The following CES5A variants were observed in gnomAD, a reference collection of about 807,000 sequenced individuals.
The protein encoded by CES5A is carboxylesterase 5A, also known as carboxylesterase 5.
Under a neutral mutation model 62.9 loss-of-function variants are expected in CES5A, and 67 were observed. The observed-to-expected ratio is 1.07, with a 90% CI of 0.88 to 1.31. The LOEUF (loss-of-function observed/expected upper bound fraction) is 1.31. Ranked by LOEUF, CES5A falls within the 50% of genes most tolerant of loss-of-function variation. The pLI, the probability that CES5A is intolerant of heterozygous loss-of-function variation, is 0.00. For synonymous variants in CES5A, 296 were observed against 280.8 expected (o/e 1.05, Z -0.54); for missense variants, 748 against 708.5 (o/e 1.06, Z -0.63).
chr16:55,880,894 A>C (rs1439979426), intron 1 of CES5A, among the ~76,000 whole-genome samples: 1 of 152,204 alleles, frequency 6.6e-6, no homozygotes, highest in Non-Finnish European at 1.5e-5. Context: ...TCCTGGAACC[A>C]TAGTTTGACT....
intron 1 of CES5A, among the ~76,000 whole-genome samples, chr16:55,901,627 G>C (rs1420859467): frequency 6.6e-6 from 1 of 152,228 alleles, no homozygotes; most frequent in South Asian, 2.1e-4. Flanking sequence ...ATTTATCGAG[G>C]GCGGCATTTA....
chr16:55,854,531 C>CTTTTTTTTTTCTTTTTTTTTTTT lies in CES5A; in HGVS notation c.1126-1504_1126-1503insAAAAAAAAAAAAGAAAAAAAAAA, dbSNP rs1555479324. On this transcript the variant is annotated intron_variant, in intron 9 of 12. Transcript: ENST00000290567. ...TGAGGGATATCTGCCTGTAGTGTTT[C>CTTTTTTTTTTCTTTTTTTTTTTT]TTTTTTTTTTTTCTTTTTTTTTTTT... is the stretch of plus-strand genomic sequence containing the variant. Among the ~76,000 whole-genome samples, 56 of 52,136 alleles carry CTTTTTTTTTTCTTTTTTTTTTTT rather than the reference C, an allele frequency of 1.1e-3. 1 individual carries two copies. The highest frequency in any genetic ancestry group is 5.6e-3 in the East Asian group (9 of 1,608). 34.2% of individuals were successfully genotyped at this position (52,136 alleles called of 152,430 possible).
upstream of CES5A, among the ~76,000 whole-genome samples, chr16:55,929,121 C>T (rs969292681): frequency 1.3e-5 from 2 of 152,180 alleles, no homozygotes; most frequent in Admixed American, 1.3e-4. Flanking sequence ...CAAGCTGGAA[C>T]CAGGGCTCAC....
chr16:55,851,676 A>G (rs1385790279), intron 10 of CES5A, among the ~76,000 whole-genome samples: 8 of 152,226 alleles, frequency 5.3e-5, no homozygotes, highest in Non-Finnish European at 2.9e-5. Flanking sequence ...GAAAACAGGG[A>G]CTTGAACAGA....
In CES5A at chr16:55,852,775, G is replaced by A. The variant is rs554735126; in HGVS notation, c.1273+106C>T. ...GCACACCTGGAAATGCACTTTCCATGATAGAACAGAGGCAGAGAAGGCAGC... is the reference window on the plus strand; with the variant it reads ...GCACACCTGGAAATGCACTTTCCATAATAGAACAGAGGCAGAGAAGGCAGC... On this transcript the variant is annotated intron_variant, in intron 10 of 12. Coordinates refer to ENST00000290567, the MANE Select transcript of CES5A (RefSeq NM_001143685.2). 2.0e-3 allele frequency: 2,609 copies of A among 1,303,520 alleles called. 40 individuals carry two copies. In the South Asian group the frequency reaches 0.025, roughly 12 times the overall value. The allele number at this position is 1,303,520 out of a possible 1,614,324, so 80.7% of individuals were successfully genotyped here. A position where few individuals can be genotyped will look rare whatever the true frequency, so the allele number is the denominator to read the frequency against.
chr16:55,913,071 C>T (rs1050678219), intron 1 of CES5A, among the ~76,000 whole-genome samples: 70 of 152,184 alleles, frequency 4.6e-4, no homozygotes, highest in African/African-American at 1.1e-3. Context: ...TGCGGGAGAC[C>T]GGAATTTTAT....
chr16:55,893,826 C>T (rs1458022635), intron 1 of CES5A, among the ~76,000 whole-genome samples: 1 of 151,960 alleles, frequency 6.6e-6, no homozygotes, highest in Non-Finnish European at 1.5e-5. Flanking sequence ...GAGGTATTGG[C>T]TGAAAAACTG....
At chr16:55,928,945 G>A (rs936399450), upstream of CES5A, among the ~76,000 whole-genome samples, 9 of 152,114 alleles carry the variant, frequency 5.9e-5, no homozygotes, top group East Asian at 1.9e-4. Flanking sequence ...TCTAGCATGC[G>A]TCCAAGGCCC....
intron 1 of CES5A, 94 bp downstream of exon 1, chr16:55,875,055 C>T: frequency 4.7e-6 from 6 of 1,283,700 alleles, no homozygotes; most frequent in Non-Finnish European, 6.8e-6. Flanking sequence ...CACTGGCCCT[C>T]AGAGACCTCT....
rs756171126 is a variant in CES5A at position 55,853,011 on chromosome 16, A to G, written c.1143T>C (p.Tyr381=). The change falls in exon 10 of 13, where the codon TAT becomes TAC. Residue 381 remains tyrosine, a synonymous_variant. Coordinates refer to ENST00000290567, the MANE Select transcript of CES5A (RefSeq NM_001143685.2). ...IQNILHIPPQ[Y]LHLVANEYFH... is the part of the protein sequence containing the mutation. ...AGTATTCATTAGCCACAAGGTGCAAATACTGAGGCGGGATGTGCTGTAAAA... is the reference window on the plus strand; with the variant it reads ...AGTATTCATTAGCCACAAGGTGCAAGTACTGAGGCGGGATGTGCTGTAAAA... 1.1e-5 allele frequency: 17 copies of G among 1,614,044 alleles called. No individual in the cohort carries two copies. In the Admixed American group the frequency reaches 2.7e-4, roughly 25 times the overall value.
chr16:55,895,121 T>G (rs2033918630), intron 1 of CES5A, among the ~76,000 whole-genome samples: 1 of 152,192 alleles, frequency 6.6e-6, no homozygotes, highest in Non-Finnish European at 1.5e-5. Context: ...AAGGCAGAGA[T>G]GTAAATTGTC....
intron 1 of CES5A, among the ~76,000 whole-genome samples, chr16:55,922,242 A>C (rs1471579805): frequency 6.6e-6 from 1 of 151,978 alleles, no homozygotes; most frequent in East Asian, 1.9e-4. Flanking sequence ...CCCAATTAAA[A>C]GACATAGTAC....
Position 55,869,825 on chromosome 16 carries a change from A to G in CES5A, c.418-81T>C. 4 of 1,494,534 alleles carry G rather than the reference A, an allele frequency of 2.7e-6. No homozygotes were observed. The South Asian group carries it at 5.3e-5, about 20-fold the overall frequency. 92.6% of individuals were successfully genotyped at this position (1,494,534 alleles called of 1,614,324 possible). A position where few individuals can be genotyped will look rare whatever the true frequency, so the allele number is the denominator to read the frequency against. On this transcript the variant is annotated intron_variant, in intron 3 of 12. Transcript: ENST00000290567. The stretch of plus-strand genomic sequence containing the variant: ...ATGCAGTTTGAGGCACACGTTCTTA[A>G]GGTGAAATATAAATGTCCCACTTGC...
At chr16:55,850,537 G>T (rs1429415124) in intron 10 of CES5A, among the ~76,000 whole-genome samples, 5 of 152,164 alleles carry the variant, frequency 3.3e-5, no homozygotes, top group Non-Finnish European at 5.9e-5. Context: ...GCTCATCTGT[G>T]TTGTAGCATC....
chr16:55,944,316 A>G (rs1490435456), intron 2 of CES5A: 1 of 576,436 alleles, frequency 1.7e-6, no homozygotes, highest in Admixed American at 3.0e-5. Context: ...GATCTAATGA[A>G]GTAAAAGGTA....
At chr16:55,874,624 A>G (rs1253134443) in intron 1 of CES5A, among the ~76,000 whole-genome samples, 2 of 152,214 alleles carry the variant, frequency 1.3e-5, no homozygotes, top group East Asian at 3.9e-4. Flanking sequence ...ATGGGTGAAA[A>G]TTTAAAATTC....
rs763354192 is a variant in CES5A at position 55,873,951 on chromosome 16, C to G, written c.160G>C (p.Val54Leu). 3.1e-6 allele frequency: 5 copies of G among 1,613,668 alleles called. 1 individual carries two copies. The Admixed American group carries it at 8.3e-5, about 27-fold the overall frequency. Residue 54 changes from valine to leucine, a missense_variant, in exon 2 of 13, where the codon GTG (valine) becomes CTG (leucine). Coordinates refer to ENST00000290567, the MANE Select transcript of CES5A (RefSeq NM_001143685.2). ...AAGGGGACTCCGAGGAACACGTTCACAGGCACAGGGCTTCCCAGCACAGTG... is the reference window on the plus strand; with the variant it reads ...AAGGGGACTCCGAGGAACACGTTCAGAGGCACAGGGCTTCCCAGCACAGTG... ...QVTVLGSPVP[V>L]NVFLGVPFAA... is the part of the protein sequence containing the mutation.
intron 1 of CES5A, 129 bp from the exon 2 acceptor site, chr16:55,874,166 G>T: frequency 1.3e-6 from 1 of 796,070 alleles, no homozygotes; most frequent in Non-Finnish European, 2.0e-6. Flanking sequence ...TGGTATCCAG[G>T]TTCCCTCTCC....
chr16:55,928,426 G>A (rs2034279155), upstream of CES5A, among the ~76,000 whole-genome samples: 1 of 152,058 alleles, frequency 6.6e-6, no homozygotes, highest in Non-Finnish European at 1.5e-5. Flanking sequence ...AAGGTGGAAG[G>A]GTGGGAGGGG....
Sources: allele counts gnomAD v4.1 joint callset (sites outside exome capture counted in the v4.1 genomes callset), GRCh38; gene constraint gnomAD v4.1.1; transcripts MANE v1.5; gene names NCBI Gene and HGNC (gene_info 2026-07-23, HGNC 2026-07-21).